Variants in LRMDA observed in about 807,000 individuals in gnomAD.
LRMDA encodes the protein leucine rich melanocyte differentiation associated.
Under a neutral mutation model 29.8 loss-of-function variants are expected in LRMDA, and 18 were observed. The observed-to-expected ratio is 0.60, with a 90% CI of 0.42 to 0.90. The LOEUF is 0.90. Ranked by LOEUF, LRMDA falls within the 40% of genes least tolerant of loss-of-function variation. LRMDA has a pLI of 0.00. For synonymous variants in LRMDA, 125 were observed against 109.4 expected (o/e 1.14, Z -0.89); for missense variants, 273 against 273.9 (o/e 1.00, Z 0.02).
At chr10:76,203,974 CCCACCCATCTCTATTCCATGTGCCCAT>C (rs1851484055) in intron 5 of LRMDA, among the ~76,000 whole-genome samples, 5 of 129,494 alleles carry the variant, frequency 3.9e-5, no homozygotes, top group Admixed American at 7.6e-5. Context: ...ATGTGCCCAT[CCCACCCATCTCTATTCCATGTGCCCAT>C]CCACCCATCT....
rs1328430973 is a variant in LRMDA at position 76,042,684 on chromosome 10, C to CT, written c.259-4474dup. Among the ~76,000 whole-genome samples, 2 of 151,974 alleles carry CT rather than the reference C, an allele frequency of 1.3e-5. 1 individual carries two copies. Among genetic ancestry groups the CT allele is most frequent in the South Asian group, 4.2e-4 (2 of 4,816 alleles). ...TATTGAAGATATGCCTCTAGAGAAACTTTTTTCCTGCAAATTTCTCATAGT... is the reference window on the plus strand; with the variant it reads ...TATTGAAGATATGCCTCTAGAGAAACTTTTTTTCCTGCAAATTTCTCATAGT... On this transcript the variant is annotated intron_variant, in intron 3 of 6. Coordinates refer to ENST00000611255, the MANE Select transcript of LRMDA (RefSeq NM_001305581.2).
chr10:76,363,276 A>AAGGAAAAGAAGG (rs1218743181), intron 6 of LRMDA, among the ~76,000 whole-genome samples: 2 of 58,874 alleles, frequency 3.4e-5, no homozygotes, highest in Admixed American at 1.7e-4. Context: ...GGAAGGAAGG[A>AAGGAAAAGAAGG]AAGGAAGGAA....
chr10:75,462,478 T>G (rs1844598782), intron 2 of LRMDA, among the ~76,000 whole-genome samples: 1 of 152,198 alleles, frequency 6.6e-6, no homozygotes. Flanking sequence ...ATTGTCTTAG[T>G]GCGTGCTCAT....
At chr10:75,658,249 A>C (rs1044505890) in intron 2 of LRMDA, among the ~76,000 whole-genome samples, 1 of 148,002 alleles carries the variant, frequency 6.8e-6, no homozygotes, top group Non-Finnish European at 1.5e-5. Context: ...TGTGAATGAG[A>C]TCCTTGTTGG....
chr10:76,047,401 A>C (rs1056074691), intron 4 of LRMDA, 98 bp downstream of exon 4: 2 of 1,221,822 alleles, frequency 1.6e-6, no homozygotes, highest in African/African-American at 3.1e-5. Flanking sequence ...TGTTTGGTAC[A>C]TATCAGTGGG....
At chr10:76,428,507 G>A (rs1248513283) in intron 6 of LRMDA, among the ~76,000 whole-genome samples, 2 of 152,058 alleles carry the variant, frequency 1.3e-5, no homozygotes, top group African/African-American at 4.8e-5. Flanking sequence ...CATCGATCCA[G>A]TTTTCCTTCC....
intron 2 of LRMDA, among the ~76,000 whole-genome samples, chr10:76,028,246 T>C (rs2132498467): frequency 6.6e-6 from 1 of 152,308 alleles, no homozygotes; most frequent in South Asian, 2.1e-4. Flanking sequence ...CCCATATTTT[T>C]ATTATTGACA....
intron 2 of LRMDA, among the ~76,000 whole-genome samples, chr10:75,793,708 T>C (rs1273346042): frequency 2.0e-5 from 3 of 152,212 alleles, no homozygotes; most frequent in African/African-American, 7.2e-5. Context: ...GCTTGCTCTT[T>C]TCCCTCTGTC....
chr10:76,105,617 G>A (rs1849468446), intron 5 of LRMDA, among the ~76,000 whole-genome samples: 1 of 152,124 alleles, frequency 6.6e-6, no homozygotes, highest in Non-Finnish European at 1.5e-5. Flanking sequence ...GCCAAGACAT[G>A]CCTGAAGCCA....
chr10:75,595,776 C>T (rs1840778945), intron 2 of LRMDA, among the ~76,000 whole-genome samples: 1 of 151,820 alleles, frequency 6.6e-6, no homozygotes, highest in Non-Finnish European at 1.5e-5. Flanking sequence ...GTTGAAAAGA[C>T]TAGGAAATAA....
intron 2 of LRMDA, among the ~76,000 whole-genome samples, chr10:75,576,989 G>A (rs1396592393): frequency 6.6e-6 from 1 of 152,156 alleles, no homozygotes. Flanking sequence ...TCTTCAAAAG[G>A]ATCACAACTC....
At chr10:75,522,346 A>G (rs1447305655) in intron 2 of LRMDA, among the ~76,000 whole-genome samples, 2 of 152,250 alleles carry the variant, frequency 1.3e-5, no homozygotes, top group East Asian at 1.9e-4. Context: ...ATCATCTGGT[A>G]TAGGGGTTGC....
intron 2 of LRMDA, among the ~76,000 whole-genome samples, chr10:75,671,361 T>C (rs1002811144): frequency 2.6e-5 from 4 of 152,112 alleles, no homozygotes; most frequent in Non-Finnish European, 5.9e-5. Flanking sequence ...ACCCCAGATA[T>C]CTCCAGGGAT....
Position 75,997,467 on chromosome 10 carries a change from ATT to A in LRMDA, c.132-38528_132-38527del, listed in dbSNP as rs11314151. On this transcript the variant is annotated intron_variant, in intron 2 of 6. Transcript: ENST00000611255. ...GAAGTATGTTCCAGGACATACATCT[ATT>A]TTTTTTTTTTTTCATTTTAAACACA... Among the ~76,000 whole-genome samples, 785 of 141,900 alleles carry A rather than the reference ATT, an allele frequency of 5.5e-3. 4 individuals carry two copies. The highest frequency in any genetic ancestry group is 0.026 in the South Asian group (118 of 4,522). The allele number at this position is 141,900 out of a possible 152,430, so 93.1% of individuals were successfully genotyped here. A position where few individuals can be genotyped will look rare whatever the true frequency, so the allele number is the denominator to read the frequency against.
At chr10:76,090,302 CTG>C (rs1424042818) in intron 5 of LRMDA, among the ~76,000 whole-genome samples, 2 of 152,166 alleles carry the variant, frequency 1.3e-5, no homozygotes, top group Admixed American at 1.3e-4. Flanking sequence ...GCCAGTTTCA[CTG>C]TGGCTAGGTT....
At chr10:75,743,988 C>G (rs1842862151) in intron 2 of LRMDA, among the ~76,000 whole-genome samples, 1 of 152,148 alleles carries the variant, frequency 6.6e-6, no homozygotes, top group Non-Finnish European at 1.5e-5. Context: ...AGGGGGTTTC[C>G]TGAGCTGCAT....
intron 6 of LRMDA, among the ~76,000 whole-genome samples, chr10:76,452,849 A>C (rs940756918): frequency 6.6e-6 from 1 of 152,214 alleles, no homozygotes; most frequent in African/African-American, 2.4e-5. Context: ...AATAACCACT[A>C]CATGTGATGG....
At chr10:76,044,439 G>GTTTT (rs3042545) in intron 3 of LRMDA, among the ~76,000 whole-genome samples, 7 of 137,006 alleles carry the variant, frequency 5.1e-5, no homozygotes, top group Non-Finnish European at 7.9e-5. Flanking sequence ...TTTTTTCTTT[G>GTTTT]TTTTTTTTTT....
intron 5 of LRMDA, among the ~76,000 whole-genome samples, chr10:76,141,295 T>A (rs907697619): frequency 2.6e-5 from 4 of 152,030 alleles, no homozygotes; most frequent in African/African-American, 7.2e-5. Flanking sequence ...AGAAAATGAT[T>A]TTTCCTCTCC....
Sources: gnomAD v4.1 joint callset for allele counts (sites outside exome capture counted in the v4.1 genomes callset) on GRCh38, gnomAD v4.1.1 for gene constraint, MANE v1.5 for transcripts, NCBI Gene and HGNC (gene_info 2026-07-23, HGNC 2026-07-21) for gene names.